The following TSPAN18 variants were observed in gnomAD, a reference collection of about 807,000 sequenced individuals.
The protein encoded by TSPAN18 is tetraspanin-18.
Under a neutral mutation model 27.3 loss-of-function variants are expected in TSPAN18, and 14 were observed. The observed-to-expected ratio is 0.51, with a 90% confidence interval of 0.34 to 0.80. The LOEUF is 0.80. Ranked by LOEUF, TSPAN18 falls within the 30% of genes least tolerant of loss-of-function variation. The pLI, the probability that TSPAN18 is intolerant of heterozygous loss-of-function variation, is 0.01. For synonymous variants in TSPAN18, 143 were observed against 136.5 expected (o/e 1.05, Z -0.33); for missense variants, 268 against 323.9 (o/e 0.83, Z 1.32).
At chr11:44,871,015 G>T (rs1858179369) in intron 3 of TSPAN18, among the ~76,000 whole-genome samples, 1 of 152,180 alleles carries the variant, frequency 6.6e-6, no homozygotes, top group African/African-American at 2.4e-5. Context: ...TCTGAGTTGG[G>T]ACTTGAAAGA....
Position 44,859,240 on chromosome 11 carries a change from T to A in TSPAN18, c.-152-1088T>A, listed in dbSNP as rs186403186. On this transcript the variant is annotated intron_variant, in intron 2 of 9. Transcript: ENST00000520358. ...TGTCTGGCAGAATTTAGAGATGCTG[T>A]TTGTCTAAAGTCTTGCCAGAACACA... Among the ~76,000 whole-genome samples, 7 of 152,270 alleles carry A rather than the reference T, an allele frequency of 4.6e-5. No homozygotes were observed. In the East Asian group the frequency reaches 1.4e-3, roughly 29 times the overall value.
At chr11:44,843,949 G>A (rs1394169631) in intron 2 of TSPAN18, among the ~76,000 whole-genome samples, 5 of 152,072 alleles carry the variant, frequency 3.3e-5, no homozygotes, top group African/African-American at 1.2e-4. Context: ...ATTATTACAG[G>A]GTCCTGAGAC....
chr11:44,824,547 C>G (rs767559625), intron 2 of TSPAN18, among the ~76,000 whole-genome samples: 7 of 152,216 alleles, frequency 4.6e-5, no homozygotes, highest in Non-Finnish European at 1.0e-4. Context: ...CACCCTGTGA[C>G]CTCCAAACAA....
At position 44,909,904 on chromosome 11, in the gene TSPAN18, G is replaced by A; in HGVS notation, c.258+5G>A. On this transcript the variant is annotated splice_donor_5th_base_variant and intron_variant, in intron 5 of 9. Coordinates refer to ENST00000520358, the MANE Select transcript of TSPAN18 (RefSeq NM_130783.5). The stretch of plus-strand genomic sequence containing the variant: ...AACAAGTGTCTGCTGCTATTTGTGA[G>A]TACCCCAGCCCCCACCCCATCCATG... The A allele has an allele frequency of 6.2e-7, 1 of 1,608,586 alleles. No individual in the cohort carries two copies. Among genetic ancestry groups the A allele is most frequent in the Non-Finnish European group, 8.5e-7 (1 of 1,176,696 alleles).
chr11:44,742,516 T>C (rs939186224), intron 1 of TSPAN18, among the ~76,000 whole-genome samples: 1 of 152,026 alleles, frequency 6.6e-6, no homozygotes, highest in African/African-American at 2.4e-5. Flanking sequence ...AGCCCAGCAG[T>C]GCACAGTGGA....
chr11:44,785,813 T>G (rs1013162399), intron 2 of TSPAN18, among the ~76,000 whole-genome samples: 3 of 152,184 alleles, frequency 2.0e-5, no homozygotes, highest in African/African-American at 7.2e-5. Context: ...TGCCAAGCAG[T>G]GGAGCCAGGG....
At chr11:44,761,284 T>C (rs1855449192) in intron 1 of TSPAN18, among the ~76,000 whole-genome samples, 1 of 152,160 alleles carries the variant, frequency 6.6e-6, no homozygotes, top group Admixed American at 6.5e-5. Flanking sequence ...CTCTGCCACT[T>C]GCACCCAGGA....
At chr11:44,907,792 C>A (rs887773652) in intron 4 of TSPAN18, among the ~76,000 whole-genome samples, 1 of 152,070 alleles carries the variant, frequency 6.6e-6, no homozygotes, top group Admixed American at 6.6e-5. Flanking sequence ...CAGTGGCTCA[C>A]ATCTGTAATC....
At position 44,726,992 on chromosome 11, in the gene TSPAN18, T is replaced by C. The variant is rs965845800; in HGVS notation, c.-535T>C. The stretch of plus-strand genomic sequence containing the variant: ...CCGCCGGCGTCGCGGGGCTCCAGGC[T>C]GCGGGGCGGACGTAGCGCCGAGCGA... On this transcript the variant is annotated 5_prime_UTR_variant, in exon 1 of 10. Coordinates refer to ENST00000520358, the MANE Select transcript of TSPAN18 (RefSeq NM_130783.5). 8.5e-6 allele frequency: 1 copy of C among 117,188 alleles called. No homozygotes were observed. The highest frequency in any genetic ancestry group is 1.9e-5 in the Non-Finnish European group (1 of 51,656). The allele number at this position is 117,188 out of a possible 1,614,324, so 7.3% of individuals were successfully genotyped here.
chr11:44,834,961 A>G (rs1424874682), intron 2 of TSPAN18, among the ~76,000 whole-genome samples: 2 of 152,198 alleles, frequency 1.3e-5, no homozygotes, highest in Non-Finnish European at 2.9e-5. Flanking sequence ...CCCACAGGGA[A>G]ACCTGTAAGT....
At chr11:44,846,746 C>G (rs1430639089) in intron 2 of TSPAN18, among the ~76,000 whole-genome samples, 1 of 152,182 alleles carries the variant, frequency 6.6e-6, no homozygotes, top group Non-Finnish European at 1.5e-5. Context: ...ACAGCCTCTC[C>G]AGGTAGGAAG....
At chr11:44,874,188 A>G (rs879020847) in intron 3 of TSPAN18, among the ~76,000 whole-genome samples, 2 of 152,298 alleles carry the variant, frequency 1.3e-5, no homozygotes, top group Admixed American at 1.3e-4. Flanking sequence ...TAAAAAGGAG[A>G]TGGGCCTAGC....
intron 3 of TSPAN18, among the ~76,000 whole-genome samples, chr11:44,861,168 C>G (rs995415991): frequency 1.3e-5 from 2 of 151,960 alleles, no homozygotes; most frequent in East Asian, 3.9e-4. Flanking sequence ...TCCATGTGGC[C>G]GCAGGGCAGG....
At chr11:44,808,117 C>T (rs1038182099) in intron 2 of TSPAN18, among the ~76,000 whole-genome samples, 2 of 152,140 alleles carry the variant, frequency 1.3e-5, no homozygotes, top group Non-Finnish European at 2.9e-5. Context: ...GTATAAACCC[C>T]TATTATGTGC....
At chr11:44,742,944 T>TG (rs904139322) in intron 1 of TSPAN18, among the ~76,000 whole-genome samples, 4 of 152,128 alleles carry the variant, frequency 2.6e-5, no homozygotes, top group African/African-American at 4.8e-5. Context: ...GACAGCTTCA[T>TG]GGGGGGGCTG....
At chr11:44,726,728 G>A (rs965543344), upstream of TSPAN18, 5 of 152,160 alleles carry the variant, frequency 3.3e-5, no homozygotes, top group African/African-American at 9.7e-5. Context: ...GGCGGAGGAA[G>A]GGGAGATGGG....
chr11:44,814,862 G>A (rs754583373), intron 2 of TSPAN18, among the ~76,000 whole-genome samples: 4 of 152,210 alleles, frequency 2.6e-5, no homozygotes, highest in Non-Finnish European at 5.9e-5. Flanking sequence ...ATTTCAGAGA[G>A]TAAAAAGTGA....
chr11:44,929,194 G>A lies in TSPAN18; in HGVS notation c.*16G>A, dbSNP rs1860479412. The A allele has an allele frequency of 6.2e-7, 1 of 1,613,308 alleles. No homozygotes were observed. Among genetic ancestry groups the A allele is most frequent in the Non-Finnish European group, 8.5e-7 (1 of 1,180,008 alleles). On this transcript the variant is annotated 3_prime_UTR_variant, in exon 10 of 10. Transcript: ENST00000520358. ...CATCCAGTAGAGGGTATGGCCTGAA[G>A]CCTGAAGACTCGCCCCACCCACCAC... is the stretch of plus-strand genomic sequence containing the variant.
At chr11:44,855,790 C>A (rs1857721090) in intron 2 of TSPAN18, among the ~76,000 whole-genome samples, 2 of 150,880 alleles carry the variant, frequency 1.3e-5, no homozygotes, top group South Asian at 4.2e-4. Context: ...CCCCATCCAC[C>A]CCACCCCCCA....
Sources: allele counts gnomAD v4.1 joint callset (sites outside exome capture counted in the v4.1 genomes callset), GRCh38; gene constraint gnomAD v4.1.1; transcripts MANE v1.5; gene names NCBI Gene and HGNC (gene_info 2026-07-23, HGNC 2026-07-21).